The following PCDHA6 variants were observed in gnomAD, a reference collection of about 807,000 sequenced individuals.
PCDHA6 encodes the protein protocadherin alpha-6.
Under a neutral mutation model 60.3 loss-of-function variants are expected in PCDHA6, and 55 were observed. That is an observed-to-expected ratio of 0.91 (90% CI 0.73 to 1.14). The LOEUF is 1.14. Among genes scored for constraint, PCDHA6 ranks in the 50% most tolerant of loss-of-function variants. PCDHA6 has a pLI of 0.00. For synonymous variants in PCDHA6, 652 were observed against 557.9 expected (o/e 1.17, Z -2.38); for missense variants, 1,327 against 1,256.5 (o/e 1.06, Z -0.85).
At chr5:140,846,369 CTTTCTTTT>C (rs1383135260) in intron 1 of PCDHA6, among the ~76,000 whole-genome samples, 4 of 102,192 alleles carry the variant, frequency 3.9e-5, no homozygotes, top group Admixed American at 2.1e-4. Context: ...TCTTTTCTTT[CTTTCTTTT>C]TTTTTTTTTT....
chr5:140,924,253 A>G (rs550218351), intron 1 of PCDHA6, among the ~76,000 whole-genome samples: 1 of 152,212 alleles, frequency 6.6e-6, no homozygotes, highest in African/African-American at 2.4e-5. Context: ...TCCTGGTGAG[A>G]TCTAATGAGG....
chr5:140,883,162 C>T, intron 1 of PCDHA6: 2 of 1,613,808 alleles, frequency 1.2e-6, no homozygotes, highest in Non-Finnish European at 1.7e-6. Flanking sequence ...TAAATCCGAA[C>T]AATGGAGAAA....
chr5:140,835,477 C>T (rs2150236453), intron 1 of PCDHA6: 2 of 1,613,948 alleles, frequency 1.2e-6, no homozygotes, highest in Non-Finnish European at 1.7e-6. Flanking sequence ...GACGCCCAAC[C>T]AGGTACCGTC....
intron 1 of PCDHA6, among the ~76,000 whole-genome samples, chr5:140,970,416 G>A (rs536181177): frequency 2.4e-4 from 36 of 152,326 alleles, no homozygotes; most frequent in African/African-American, 8.2e-4. Context: ...CTACAGTAAG[G>A]TGTAGAGGCA....
In PCDHA6 at chr5:140,844,186, T is replaced by G. The variant is rs1779260414; in HGVS notation, c.2394+13701T>G. ...CTTTAAGATCTCGGTTTATTCATCT[T>G]ATCTGACTTTTTAGTGTCTGGTAGT... On this transcript the variant is annotated intron_variant, in intron 1 of 3. Transcript: ENST00000529310. Among the ~76,000 whole-genome samples, 2 of 149,872 alleles carry G rather than the reference T, an allele frequency of 1.3e-5. 1 individual carries two copies. Among genetic ancestry groups the G allele is most frequent in the Admixed American group, 1.3e-4 (2 of 14,948 alleles).
intron 1 of PCDHA6, among the ~76,000 whole-genome samples, chr5:140,916,482 G>C (rs2077584456): frequency 6.6e-6 from 1 of 152,194 alleles, no homozygotes; most frequent in African/African-American, 2.4e-5. Context: ...GTGCCCAAGG[G>C]CTCTTTAGTC....
At chr5:140,937,844 G>A (rs926736710) in intron 1 of PCDHA6, among the ~76,000 whole-genome samples, 7 of 149,606 alleles carry the variant, frequency 4.7e-5, no homozygotes, top group Non-Finnish European at 8.9e-5. Context: ...CCTGGAAGGC[G>A]GAACTTGGAG....
chr5:140,925,441 T>G (rs1458646143), intron 1 of PCDHA6, among the ~76,000 whole-genome samples: 1 of 152,136 alleles, frequency 6.6e-6, no homozygotes, highest in African/African-American at 2.4e-5. Context: ...TTAGGCAGAA[T>G]TTGGGTGTAT....
chr5:140,997,559 T>C (rs550494855), intron 3 of PCDHA6, among the ~76,000 whole-genome samples: 9 of 152,148 alleles, frequency 5.9e-5, no homozygotes, highest in Non-Finnish European at 1.3e-4. Context: ...ACAGGACAAC[T>C]GTCATATGTG....
chr5:140,879,204 G>A (rs1041591784), intron 1 of PCDHA6, among the ~76,000 whole-genome samples: 3 of 152,328 alleles, frequency 2.0e-5, no homozygotes, highest in Admixed American at 6.5e-5. Flanking sequence ...AATTATGGCA[G>A]TAGAAATGAA....
intron 1 of PCDHA6, chr5:140,871,329 C>A (rs1164407502): frequency 6.2e-7 from 1 of 1,613,942 alleles, no homozygotes; most frequent in African/African-American, 1.3e-5. Flanking sequence ...TGTGCTCCCG[C>A]GCGGTGGGGA....
At chr5:140,856,737 T>C (rs369958206) in intron 1 of PCDHA6, 7 of 1,595,910 alleles carry the variant, frequency 4.4e-6, no homozygotes, top group African/African-American at 1.3e-5. Context: ...CTGCTGATCC[T>C]GGTGTTAGAT....
At chr5:140,883,190 C>G in intron 1 of PCDHA6, 1 of 1,613,818 alleles carries the variant, frequency 6.2e-7, no homozygotes, top group Non-Finnish European at 8.5e-7. Context: ...AAAAGGCAAA[C>G]TAGATTTCGA....
chr5:140,986,945 C>T (rs1295830111), intron 3 of PCDHA6, among the ~76,000 whole-genome samples: 1 of 151,946 alleles, frequency 6.6e-6, no homozygotes, highest in Non-Finnish European at 1.5e-5. Flanking sequence ...TGGGTGTGGT[C>T]GCTCATGCCT....
At position 140,883,407 on chromosome 5, in the gene PCDHA6, G is replaced by C. The variant is rs2059598150; in HGVS notation, c.2394+52922G>C. On this transcript the variant is annotated intron_variant, in intron 1 of 3. Coordinates refer to ENST00000529310, the MANE Select transcript of PCDHA6 (RefSeq NM_018909.4). The stretch of plus-strand genomic sequence containing the variant: ...ATCAGTGTGTCCGATCGTGACTCTG[G>C]CTCAAATGGACAGGTCACCTGCACC... The C allele has an allele frequency of 1.9e-6, 3 of 1,614,170 alleles. No homozygotes were observed. In the East Asian group the frequency reaches 6.7e-5, roughly 36 times the overall value.
intron 2 of PCDHA6, among the ~76,000 whole-genome samples, chr5:140,980,982 C>G (rs1208541065): frequency 6.6e-6 from 1 of 151,990 alleles, no homozygotes; most frequent in East Asian, 1.9e-4. Flanking sequence ...ACTGAGCCCA[C>G]ACAATTTGCT....
At chr5:140,851,766 T>A in intron 1 of PCDHA6, 2 of 968,988 alleles carry the variant, frequency 2.1e-6, no homozygotes, top group South Asian at 4.8e-5. Context: ...AACATTACCC[T>A]TATGAATTTA....
At chr5:140,872,131 A>G (rs2053496652) in intron 1 of PCDHA6, among the ~76,000 whole-genome samples, 1 of 152,148 alleles carries the variant, frequency 6.6e-6, no homozygotes, top group African/African-American at 2.4e-5. Context: ...TATCAAAGCT[A>G]GAATACTCCA....
chr5:140,917,724 G>C (rs2078325058), intron 1 of PCDHA6, among the ~76,000 whole-genome samples: 1 of 152,080 alleles, frequency 6.6e-6, no homozygotes, highest in East Asian at 1.9e-4. Flanking sequence ...CTTTATTTCT[G>C]GGTTCTCTAA....
Sources: gnomAD v4.1 joint callset for allele counts (sites outside exome capture counted in the v4.1 genomes callset) on GRCh38, gnomAD v4.1.1 for gene constraint, MANE v1.5 for transcripts, NCBI Gene and HGNC (gene_info 2026-07-23, HGNC 2026-07-21) for gene names.